Variants in KCTD16 observed in about 807,000 individuals in gnomAD.
KCTD16 encodes the protein BTB/POZ domain-containing protein KCTD16.
A neutral mutation model predicts 33.2 loss-of-function variants in KCTD16; 13 were observed. The ratio of observed to expected loss-of-function variants is 0.39; its 90% CI spans 0.25 to 0.62. The LOEUF (loss-of-function observed/expected upper bound fraction) is 0.62, where lower values mean the gene tolerates loss of function less well. Among genes scored for constraint, KCTD16 ranks in the 20% least tolerant of loss-of-function variants. The pLI, the probability that KCTD16 is intolerant of heterozygous loss-of-function variation, is 0.50. For missense variants in KCTD16, 441 were observed against 525.1 expected (o/e 0.84, Z 1.57); for synonymous variants, 197 against 195.3 (o/e 1.01, Z -0.07).
At chr5:144,397,559 TTC>T (rs1752602982) in intron 3 of KCTD16, among the ~76,000 whole-genome samples, 2 of 152,198 alleles carry the variant, frequency 1.3e-5, no homozygotes, top group African/African-American at 4.8e-5. Context: ...GTAAAAGTGT[TTC>T]TATTTCTCCA....
intron 3 of KCTD16, among the ~76,000 whole-genome samples, chr5:144,315,206 A>G (rs144605110): frequency 8.3e-4 from 127 of 152,296 alleles, no homozygotes; most frequent in African/African-American, 2.6e-3. Context: ...ACTTTGGAGC[A>G]TTAGAGTTGC....
chr5:144,303,761 G>T (rs963066959), intron 3 of KCTD16, among the ~76,000 whole-genome samples: 1 of 152,192 alleles, frequency 6.6e-6, no homozygotes, highest in African/African-American at 2.4e-5. Context: ...GCTCTGTGAG[G>T]CTGGGGAGGT....
chr5:144,319,465 A>G (rs1368605353), intron 3 of KCTD16, among the ~76,000 whole-genome samples: 1 of 152,178 alleles, frequency 6.6e-6, no homozygotes, highest in African/African-American at 2.4e-5. Flanking sequence ...CAACATGTTA[A>G]AGGTTAGCTC....
chr5:144,289,228 T>G, intron 3 of KCTD16, among the ~76,000 whole-genome samples: 1 of 152,194 alleles, frequency 6.6e-6, no homozygotes. Context: ...TTTCTCAAGC[T>G]TCCTATGGGA....
At chr5:144,455,866 C>T (rs1195379924) in intron 3 of KCTD16, among the ~76,000 whole-genome samples, 2 of 152,166 alleles carry the variant, frequency 1.3e-5, no homozygotes, top group Non-Finnish European at 2.9e-5. Flanking sequence ...GGGATCATTC[C>T]TGATTCTTCT....
At chr5:144,377,735 C>G (rs991639695) in intron 3 of KCTD16, 9 of 152,140 alleles carry the variant, frequency 5.9e-5, no homozygotes, top group Non-Finnish European at 1.3e-4. Context: ...CTAAATGTGT[C>G]ATTTCAGGTT....
chr5:144,318,121 G>A (rs1241212383), intron 3 of KCTD16, among the ~76,000 whole-genome samples: 1 of 152,174 alleles, frequency 6.6e-6, no homozygotes, highest in African/African-American at 2.4e-5. Context: ...AAGTTGAGGA[G>A]ACTGAAGGAG....
At chr5:144,353,182 G>T (rs1751485535) in intron 3 of KCTD16, among the ~76,000 whole-genome samples, 1 of 152,174 alleles carries the variant, frequency 6.6e-6, no homozygotes, top group Non-Finnish European at 1.5e-5. Flanking sequence ...GGGAAGTAGG[G>T]CCTCATGAGC....
At chr5:144,248,396 G>T (rs1754607125) in intron 3 of KCTD16, among the ~76,000 whole-genome samples, 1 of 152,222 alleles carries the variant, frequency 6.6e-6, no homozygotes, top group Non-Finnish European at 1.5e-5. Flanking sequence ...GGCCGGTGTG[G>T]ATGAAACAAA....
chr5:144,296,725 C>A (rs1756047693), intron 3 of KCTD16, among the ~76,000 whole-genome samples: 1 of 151,962 alleles, frequency 6.6e-6, no homozygotes, highest in Admixed American at 6.6e-5. Flanking sequence ...AAAAGAGCAG[C>A]CTTTAGAAGC....
At chr5:144,425,464 A>G (rs546630525) in intron 3 of KCTD16, among the ~76,000 whole-genome samples, 55 of 151,882 alleles carry the variant, frequency 3.6e-4, no homozygotes, top group Non-Finnish European at 2.4e-4. Flanking sequence ...CCTCAGTCTC[A>G]TGGTTCCACT....
intron 3 of KCTD16, among the ~76,000 whole-genome samples, chr5:144,218,768 A>G (rs1234883384): frequency 6.6e-6 from 1 of 152,232 alleles, no homozygotes; most frequent in East Asian, 1.9e-4. Flanking sequence ...AATCTCATGC[A>G]CAAATCATTT....
In KCTD16 at chr5:144,476,297, A is replaced by G. The variant is rs183447645; in HGVS notation, c.*2183A>G. On this transcript the variant is annotated 3_prime_UTR_variant, in exon 4 of 4. Coordinates refer to ENST00000512467, the MANE Select transcript of KCTD16 (RefSeq NM_020768.4). Reference sequence around the variant, plus strand: ...TCTAACTAAAATGGCCAAAGTTCCAACTTCCTTAAATTTCAGACCTGACTG... The same window carrying G: ...TCTAACTAAAATGGCCAAAGTTCCAGCTTCCTTAAATTTCAGACCTGACTG... 1 of 152,202 alleles carries G rather than the reference A, an allele frequency of 6.6e-6. No individual in the cohort carries two copies. The highest frequency in any genetic ancestry group is 2.4e-5 in the African/African-American group (1 of 41,458). 9.4% of individuals were successfully genotyped at this position (152,202 alleles called of 1,614,324 possible).
At chr5:144,196,217 G>A (rs1580780316) in intron 2 of KCTD16, among the ~76,000 whole-genome samples, 1 of 152,076 alleles carries the variant, frequency 6.6e-6, no homozygotes, top group East Asian at 1.9e-4. Context: ...ACTCTATGTC[G>A]GCTCTGATTG....
At chr5:144,256,848 T>C (rs1424012656) in intron 3 of KCTD16, among the ~76,000 whole-genome samples, 1 of 152,006 alleles carries the variant, frequency 6.6e-6, no homozygotes, top group Non-Finnish European at 1.5e-5. Context: ...AGTGTGATTA[T>C]ATATTGGGTA....
chr5:144,237,414 C>A (rs1213928354), intron 3 of KCTD16, among the ~76,000 whole-genome samples: 1 of 152,034 alleles, frequency 6.6e-6, no homozygotes, highest in East Asian at 1.9e-4. Flanking sequence ...ATGCAGATGA[C>A]CCAAACAGTG....
chr5:144,311,438 C>T (rs1432010907), intron 3 of KCTD16, among the ~76,000 whole-genome samples: 2 of 152,078 alleles, frequency 1.3e-5, no homozygotes, highest in Non-Finnish European at 2.9e-5. Context: ...GATCCAGGCA[C>T]TCTACTTCTA....
chr5:144,196,147 C>T (rs896485954), intron 2 of KCTD16, among the ~76,000 whole-genome samples: 4 of 152,076 alleles, frequency 2.6e-5, no homozygotes, highest in East Asian at 1.9e-4. Flanking sequence ...GAGCTCAAAA[C>T]GTATTTTGCT....
At chr5:144,351,667 GAATA>G (rs939942728) in intron 3 of KCTD16, among the ~76,000 whole-genome samples, 10 of 152,052 alleles carry the variant, frequency 6.6e-5, no homozygotes, top group African/African-American at 1.9e-4. Context: ...GTCCACCAAT[GAATA>G]AATAAAGAAA....
Sources: allele counts gnomAD v4.1 joint callset (sites outside exome capture counted in the v4.1 genomes callset), GRCh38; gene constraint gnomAD v4.1.1; transcripts MANE v1.5; gene names NCBI Gene and HGNC (gene_info 2026-07-23, HGNC 2026-07-21).